The following IL13 variants were observed in gnomAD, a reference collection of about 807,000 sequenced individuals.
IL13 encodes the protein interleukin 13.
IL13 carries 9 observed loss-of-function variants against 11.1 expected under a neutral mutation model. That is an observed-to-expected ratio of 0.81 (90% CI 0.49 to 1.42). IL13 has a LOEUF of 1.42. Among genes scored for constraint, IL13 ranks in the 40% most tolerant of loss-of-function variants. The pLI is 0.00. For missense variants in IL13, 181 were observed against 182.5 expected, an observed-to-expected ratio of 0.99 and a Z score of 0.05; for synonymous variants, 75 against 76.9, an observed-to-expected ratio of 0.97 and a Z score of 0.13.
Position 132,659,207 on chromosome 5 carries a change from C to T in IL13, c.175-211C>T. ...AGTGGTGTCAATTTTTTTCTCTCAG[C>T]TCCAAGACCCTAAACAGTGGGACCT... On this transcript the variant is annotated intron_variant, in intron 1 of 3. Coordinates refer to ENST00000304506, the MANE Select transcript of IL13 (RefSeq NM_002188.3). This position sits in a 1 kb window ranked among gnomAD's most constrained non-coding sequence, Gnocchi z 4.1. 1.8e-6 allele frequency: 1 copy of T among 562,270 alleles called. No individual in the cohort carries two copies. The highest frequency in any genetic ancestry group is 3.2e-6 in the Non-Finnish European group (1 of 308,084). 34.8% of individuals were successfully genotyped at this position (562,270 alleles called of 1,614,324 possible). A position where few individuals can be genotyped will look rare whatever the true frequency, so the allele number is the denominator to read the frequency against.
Position 132,660,191 on chromosome 5 carries a change from A to T in IL13, c.350A>T (p.His117Leu), listed in dbSNP as rs184944562. The T allele has an allele frequency of 1.9e-6, 3 of 1,614,144 alleles. No homozygotes were observed. In the South Asian group the frequency reaches 3.3e-5, roughly 18 times the overall value. The change falls in exon 4 of 4, where the codon CAT (histidine) becomes CTT (leucine). Residue 117 changes from histidine to leucine, a missense_variant. His to Leu is a moderately conservative substitution (Grantham distance 99). Transcript: ENST00000304506. ...GTCCTGCAGCAGTTTTCCAGCTTGC[A>T]TGTCCGAGACACCAAAATCGAGGTG... ...KVSAGQFSSLHVRDTKIEVAQ... is the reference protein window; with the variant it reads ...KVSAGQFSSLLVRDTKIEVAQ...
chr5:132,659,810 G>A lies in IL13; in HGVS notation c.315G>A (p.Pro105=), dbSNP rs200113399. Residue 105 remains proline, a synonymous_variant, in exon 3 of 4, where the codon CCG becomes CCA. Transcript: ENST00000304506. The surrounding 1 kb of genome is among the most constrained non-coding windows in gnomAD (Gnocchi z 4.1). The part of the protein sequence containing the change: ...KTQRMLSGFC[P]HKVSAGQFSS... ...AGAGGATGCTGAGCGGATTCTGCCCGCACAAGGTCTCAGCTGGGGTAAGGC... is the reference window on the plus strand; with the variant it reads ...AGAGGATGCTGAGCGGATTCTGCCCACACAAGGTCTCAGCTGGGGTAAGGC... 218 of 1,613,616 alleles carry A rather than the reference G, an allele frequency of 1.4e-4. No individual in the cohort carries two copies. Among genetic ancestry groups the A allele is most frequent in the Non-Finnish European group, 1.7e-4 (197 of 1,179,986 alleles).
chr5:132,659,367 A>T lies in IL13; in HGVS notation c.175-51A>T, dbSNP rs757019938. 5.8e-6 allele frequency: 8 copies of T among 1,386,024 alleles called. No individual in the cohort carries two copies. The South Asian group carries it at 7.3e-5, about 13-fold the overall frequency. The allele number at this position is 1,386,024 out of a possible 1,614,324, so 85.9% of individuals were successfully genotyped here. ...CAGACCTGGCCTGGGCTGCCAGGGC[A>T]GGCCCACAACCCCTGCCAGCACTCT... On this transcript the variant is annotated intron_variant, in intron 1 of 3. Coordinates refer to ENST00000304506, the MANE Select transcript of IL13 (RefSeq NM_002188.3). The surrounding 1 kb of genome is among the most constrained non-coding windows in gnomAD (Gnocchi z 4.1).
chr5:132,659,563 A>G lies in IL13; in HGVS notation c.228+92A>G, dbSNP rs1261315888. 2 of 1,562,066 alleles carry G rather than the reference A, an allele frequency of 1.3e-6. No individual in the cohort carries two copies. The highest frequency in any genetic ancestry group is 2.7e-5 in the African/African-American group (2 of 73,820). On this transcript the variant is annotated intron_variant, in intron 2 of 3. Transcript: ENST00000304506. This position sits in a 1 kb window ranked among gnomAD's most constrained non-coding sequence, Gnocchi z 4.1. The stretch of plus-strand genomic sequence containing the variant: ...CCTCCCTTCCATGGCTGGGGTTCCA[A>G]GCAAGCTTCAAGTGCTCTCCTCCCT...
chr5:132,659,617 A>G lies in IL13; in HGVS notation c.229-107A>G. 6.3e-7 allele frequency: 1 copy of G among 1,591,824 alleles called. No individual in the cohort carries two copies. ...GCCATAATCTGGCCCCTTCCCGCCCACCACCCAGACTCACCTGCGCCAGGC... is the reference window on the plus strand; with the variant it reads ...GCCATAATCTGGCCCCTTCCCGCCCGCCACCCAGACTCACCTGCGCCAGGC... On this transcript the variant is annotated intron_variant, in intron 2 of 3. Coordinates refer to ENST00000304506, the MANE Select transcript of IL13 (RefSeq NM_002188.3). This position sits in a 1 kb window ranked among gnomAD's most constrained non-coding sequence, Gnocchi z 4.1.
Position 132,658,306 on chromosome 5 carries a change from T to C in IL13, c.120T>C (p.Ser40=). 2 of 1,611,060 alleles carry C rather than the reference T, an allele frequency of 1.2e-6. No homozygotes were observed. The highest frequency in any genetic ancestry group is 1.3e-5 in the African/African-American group (1 of 74,984). Residue 40 remains serine, a synonymous_variant, in exon 1 of 4, where the codon TCT becomes TCC. Coordinates refer to ENST00000304506, the MANE Select transcript of IL13 (RefSeq NM_002188.3). ...GFASPGPVPP[S]TALRELIEEL... ...CCTCCCCAGGCCCTGTGCCTCCCTC[T>C]ACAGCCCTCAGGGAGCTCATTGAGG...
chr5:132,657,145 GC>G (rs1752051162), upstream of IL13: 1 of 155,394 alleles, frequency 6.4e-6, no homozygotes. Context: ...AGGCGACATG[GC>G]TGCAGGGGCC....
chr5:132,660,571 T>C lies in IL13; in HGVS notation c.*289T>C, dbSNP rs1188664125. 1 of 346,010 alleles carries C rather than the reference T, an allele frequency of 2.9e-6. No homozygotes were observed. Among genetic ancestry groups the C allele is most frequent in the Non-Finnish European group, 5.4e-6 (1 of 186,682 alleles). The allele number at this position is 346,010 out of a possible 1,614,324, so 21.4% of individuals were successfully genotyped here. ...ACCCCTCCCCTGCCCTAGAGCACAC[T>C]GTAGCATTACAGTGGGTGCCCCCCT... On this transcript the variant is annotated 3_prime_UTR_variant, in exon 4 of 4. Transcript: ENST00000304506.
intron 1 of IL13, chr5:132,659,000 C>G (rs1752093712): frequency 4.4e-6 from 1 of 227,088 alleles, no homozygotes; most frequent in Non-Finnish European, 9.0e-6. Context: ...TGCAGTGTTC[C>G]CTCACCATCA....
At position 132,659,954 on chromosome 5, in the gene IL13, CAGGGACGTGGCCT is replaced by C; in HGVS notation, c.333+127_333+139del. 6.8e-7 allele frequency: 1 copy of C among 1,473,360 alleles called. No homozygotes were observed. Among genetic ancestry groups the C allele is most frequent in the Non-Finnish European group, 9.0e-7 (1 of 1,108,000 alleles). 91.3% of individuals were successfully genotyped at this position (1,473,360 alleles called of 1,614,324 possible). On this transcript the variant is annotated intron_variant, in intron 3 of 3. Transcript: ENST00000304506. This position sits in a 1 kb window ranked among gnomAD's most constrained non-coding sequence, Gnocchi z 4.1. ...CCCAGGGGTGGGGCCATTGTGGCAG[CAGGGACGTGGCCT>C]TCGGGATTTACAGGATCTGGGCTCA...
chr5:132,660,219 C>T lies in IL13; in HGVS notation c.378C>T (p.Ala126=), dbSNP rs1581035981. The T allele has an allele frequency of 3.1e-6, 5 of 1,614,100 alleles. No homozygotes were observed. The highest frequency in any genetic ancestry group is 4.2e-6 in the Non-Finnish European group (5 of 1,180,020). The part of the protein sequence containing the change: ...LHVRDTKIEV[A]QFVKDLLLHL... ...TCCGAGACACCAAAATCGAGGTGGC[C>T]CAGTTTGTAAAGGACCTGCTCTTAC... is the stretch of plus-strand genomic sequence containing the variant. Residue 126 remains alanine (A), a synonymous_variant, in exon 4 of 4, where the codon GCC becomes GCT. Transcript: ENST00000304506.
chr5:132,659,487 T>C lies in IL13; in HGVS notation c.228+16T>C, dbSNP rs757139512. On this transcript the variant is annotated intron_variant, in intron 2 of 3. Coordinates refer to ENST00000304506, the MANE Select transcript of IL13 (RefSeq NM_002188.3). This position sits in a 1 kb window ranked among gnomAD's most constrained non-coding sequence, Gnocchi z 4.1. ...AGCTGGCATGGTAAGGACCTTTGGG[T>C]GCAGGGAGGATGGGGCAGAGGCTCC... 2.5e-6 allele frequency: 4 copies of C among 1,606,400 alleles called. No homozygotes were observed. In the South Asian group the frequency reaches 3.3e-5, roughly 13 times the overall value.
intron 3 of IL13, 29 bp from the exon 4 acceptor site, chr5:132,660,146 A>T: frequency 6.2e-7 from 1 of 1,606,186 alleles, no homozygotes; most frequent in Non-Finnish European, 8.5e-7. Flanking sequence ...CTGGCGTTCT[A>T]CTCATGTGCT....
Position 132,659,977 on chromosome 5 carries a change from A to AG in IL13, c.333+149_333+150insG. ...AGCAGGGACGTGGCCTTCGGGATTT[A>AG]CAGGATCTGGGCTCAAGGGCTCCTA... On this transcript the variant is annotated intron_variant, in intron 3 of 3. Coordinates refer to ENST00000304506, the MANE Select transcript of IL13 (RefSeq NM_002188.3). This position sits in a 1 kb window ranked among gnomAD's most constrained non-coding sequence, Gnocchi z 4.1. The AG allele has an allele frequency of 6.9e-7, 1 of 1,442,156 alleles. No individual in the cohort carries two copies. The highest frequency in any genetic ancestry group is 1.4e-5 in the South Asian group (1 of 71,776). 89.3% of individuals were successfully genotyped at this position (1,442,156 alleles called of 1,614,324 possible).
intron 1 of IL13, 79 bp downstream of exon 1, chr5:132,658,439 G>C (rs985326631): frequency 1.2e-6 from 1 of 836,108 alleles, no homozygotes. Context: ...TGAGCAGGCT[G>C]GGCCTGGTCC....
Position 132,659,052 on chromosome 5 carries a change from A to G in IL13, c.175-366A>G, listed in dbSNP as rs1752094778. The stretch of plus-strand genomic sequence containing the variant: ...ATACACCAGATCCCCACCGCCTCCC[A>G]TCTGATTTGTCTTGGTCAACAGTGG... On this transcript the variant is annotated intron_variant, in intron 1 of 3. Coordinates refer to ENST00000304506, the MANE Select transcript of IL13 (RefSeq NM_002188.3). The surrounding 1 kb of genome is among the most constrained non-coding windows in gnomAD (Gnocchi z 4.1). 2 of 271,078 alleles carry G rather than the reference A, an allele frequency of 7.4e-6. No homozygotes were observed. The highest frequency in any genetic ancestry group is 5.1e-5 in the South Asian group (1 of 19,426). The allele number at this position is 271,078 out of a possible 1,614,324, so 16.8% of individuals were successfully genotyped here. A position where few individuals can be genotyped will look rare whatever the true frequency, so the allele number is the denominator to read the frequency against.
chr5:132,658,369 C>T lies in IL13; in HGVS notation c.174+9C>T, dbSNP rs201172066. The T allele has an allele frequency of 8.9e-6, 14 of 1,581,090 alleles. No individual in the cohort carries two copies. Among genetic ancestry groups the T allele is most frequent in the African/African-American group, 2.7e-5 (2 of 74,116 alleles). Reference sequence around the variant, plus strand: ...TCACCCAGAACCAGAAGGTGAGTGTCGGCTAGCCAGGGTCCTAGCTATGAG... The same window carrying T: ...TCACCCAGAACCAGAAGGTGAGTGTTGGCTAGCCAGGGTCCTAGCTATGAG... On this transcript the variant is annotated intron_variant, in intron 1 of 3. Transcript: ENST00000304506.
At chr5:132,658,864 C>T (rs2149874186) in intron 1 of IL13, 1 of 172,298 alleles carries the variant, frequency 5.8e-6, no homozygotes. Context: ...TGTGTCATTT[C>T]ATCACTGCCA....
rs1752130870 is a variant in IL13 at position 132,660,427 on chromosome 5, TGTGCTGCCC to T, written c.*148_*156del. On this transcript the variant is annotated 3_prime_UTR_variant, in exon 4 of 4. Coordinates refer to ENST00000304506, the MANE Select transcript of IL13 (RefSeq NM_002188.3). ...AAATTCCTTAGCTTAGACCTCAGCCTGTGCTGCCCGTCTTCAGCCTAGCCGACCTCAGCC... is the reference window on the plus strand; with the variant it reads ...AAATTCCTTAGCTTAGACCTCAGCCTGTCTTCAGCCTAGCCGACCTCAGCC... The T allele has an allele frequency of 7.5e-7, 1 of 1,337,240 alleles. No homozygotes were observed. Among genetic ancestry groups the T allele is most frequent in the Non-Finnish European group, 9.9e-7 (1 of 1,011,774 alleles). 82.8% of individuals were successfully genotyped at this position (1,337,240 alleles called of 1,614,324 possible).
Sources: allele counts gnomAD v4.1 joint callset, GRCh38; gene constraint gnomAD v4.1.1; non-coding constraint Gnocchi (gnomAD v3.1); transcripts MANE v1.5; gene names NCBI Gene and HGNC (gene_info 2026-07-23, HGNC 2026-07-21).